RAB27A: variants seen among roughly 807,000 people sequenced by gnomAD.
RAB27A encodes the protein RAB27A, member RAS oncogene family.
A neutral mutation model predicts 20.8 loss-of-function variants in RAB27A; 17 were observed. The ratio of observed to expected loss-of-function variants is 0.82; its 90% CI spans 0.56 to 1.23. The LOEUF (loss-of-function observed/expected upper bound fraction) is 1.23, where lower values mean the gene tolerates loss of function less well. Among genes scored for constraint, RAB27A ranks in the 50% most tolerant of loss-of-function variants. RAB27A has a pLI of 0.00. For missense variants in RAB27A, 277 were observed against 266.7 expected (o/e 1.04, Z -0.27); for synonymous variants, 85 against 92.8 (o/e 0.92, Z 0.48).
Position 55,262,545 on chromosome 15 carries a change from G to GAAA in RAB27A, c.-23+7617_-23+7619dup, listed in dbSNP as rs5812801. Among the ~76,000 whole-genome samples, 96 of 141,554 alleles carry GAAA rather than the reference G, an allele frequency of 6.8e-4. 1 individual carries two copies. Among genetic ancestry groups the GAAA allele is most frequent in the South Asian group, 4.2e-3 (19 of 4,554 alleles). 92.9% of individuals were successfully genotyped at this position (141,554 alleles called of 152,430 possible). A position where few individuals can be genotyped will look rare whatever the true frequency, so the allele number is the denominator to read the frequency against. On this transcript the variant is annotated intron_variant, in intron 2 of 6. Coordinates refer to ENST00000336787, the MANE Select transcript of RAB27A (RefSeq NM_183235.3). Reference sequence around the variant, plus strand: ...CAACAGAGTGAGACTCTGACTCAAAGAAAAAAAAAAAATAGGTAAGAACAA... The same window carrying GAAA: ...CAACAGAGTGAGACTCTGACTCAAAGAAAAAAAAAAAAAAATAGGTAAGAACAA...
intron 6 of RAB27A, among the ~76,000 whole-genome samples, chr15:55,212,131 T>C (rs1710701955): frequency 6.6e-6 from 1 of 152,280 alleles, no homozygotes; most frequent in East Asian, 1.9e-4. Flanking sequence ...CAATACTATG[T>C]GTCTTACATA....
intron 2 of RAB27A, among the ~76,000 whole-genome samples, chr15:55,267,790 A>G (rs1169774644): frequency 6.6e-6 from 1 of 152,152 alleles, no homozygotes; most frequent in Non-Finnish European, 1.5e-5. Flanking sequence ...CCCTATGAGC[A>G]CTCAGGTACC....
chr15:55,274,069 G>T (rs989318119), intron 1 of RAB27A, among the ~76,000 whole-genome samples: 1 of 152,152 alleles, frequency 6.6e-6, no homozygotes, highest in Non-Finnish European at 1.5e-5. Context: ...ACACCGATAT[G>T]TAACTAGAAA....
intron 1 of RAB27A, among the ~76,000 whole-genome samples, chr15:55,280,106 A>G (rs1897975539): frequency 6.6e-6 from 1 of 152,222 alleles, no homozygotes; most frequent in Non-Finnish European, 1.5e-5. Context: ...TATGCTGTGT[A>G]TATTTCCTGT....
chr15:55,291,587 G>A (rs1898312796), upstream of RAB27A, among the ~76,000 whole-genome samples: 1 of 149,730 alleles, frequency 6.7e-6, no homozygotes, highest in South Asian at 2.1e-4. Flanking sequence ...AATAGTCCTG[G>A]GAATCACTGA....
At chr15:55,270,349 G>A (rs150033129) in intron 1 of RAB27A, 65 bp from the exon 2 acceptor site, 12 of 152,250 alleles carry the variant, frequency 7.9e-5, no homozygotes, top group Admixed American at 7.8e-4. Flanking sequence ...TTTCAAAAGA[G>A]TCTTTGGAAA....
At chr15:55,254,109 T>C (rs915775344) in intron 2 of RAB27A, among the ~76,000 whole-genome samples, 3 of 152,238 alleles carry the variant, frequency 2.0e-5, no homozygotes, top group African/African-American at 4.8e-5. Context: ...AATTCTACAA[T>C]CACATTTTAG....
chr15:55,310,930 C>T (rs916720867), intron 2 of RAB27A, among the ~76,000 whole-genome samples: 2 of 152,214 alleles, frequency 1.3e-5, no homozygotes, highest in African/African-American at 4.8e-5. Flanking sequence ...CCCTGTGTTA[C>T]AGTGGACATC....
intron 6 of RAB27A, among the ~76,000 whole-genome samples, chr15:55,216,573 A>G (rs934820597): frequency 6.6e-6 from 1 of 152,116 alleles, no homozygotes; most frequent in Non-Finnish European, 1.5e-5. Context: ...ATCCCAAAAA[A>G]GCAATGTCAC....
intron 5 of RAB27A, among the ~76,000 whole-genome samples, chr15:55,225,912 G>A (rs1276428741): frequency 1.3e-5 from 2 of 152,068 alleles, no homozygotes; most frequent in Non-Finnish European, 2.9e-5. Context: ...ACACAACTAA[G>A]TTTATTACAG....
chr15:55,240,534 G>A (rs1252929181), intron 2 of RAB27A, among the ~76,000 whole-genome samples: 1 of 152,066 alleles, frequency 6.6e-6, no homozygotes, highest in Non-Finnish European at 1.5e-5. Context: ...GCTTCAGTGA[G>A]GGCATAAGTA....
intron 6 of RAB27A, among the ~76,000 whole-genome samples, chr15:55,213,788 C>T (rs933352451): frequency 1.6e-4 from 24 of 152,184 alleles, no homozygotes. Flanking sequence ...TGCAGGAAAA[C>T]AAGCTCAGGG....
intron 1 of RAB27A, chr15:55,317,624 A>G (rs2055059624): frequency 2.5e-6 from 1 of 397,862 alleles, no homozygotes; most frequent in East Asian, 3.6e-5. Context: ...AACTCCATGT[A>G]GTATTAACTT....
intron 1 of RAB27A, among the ~76,000 whole-genome samples, chr15:55,280,540 G>C (rs1473380487): frequency 7.0e-6 from 1 of 142,510 alleles, no homozygotes; most frequent in African/African-American, 2.9e-5. Context: ...TTAAGTTCTA[G>C]GGTACATGTG....
intron 6 of RAB27A, among the ~76,000 whole-genome samples, chr15:55,216,303 G>A (rs2140935410): frequency 6.6e-6 from 1 of 152,262 alleles, no homozygotes; most frequent in African/African-American, 2.4e-5. Context: ...AGAGGCCAAG[G>A]CAGGGTCGGA....
intron 5 of RAB27A, among the ~76,000 whole-genome samples, chr15:55,226,534 TGA>T (rs1491195302): frequency 2.0e-4 from 30 of 150,162 alleles, no homozygotes; most frequent in Admixed American, 1.5e-3. Flanking sequence ...TGTGTGTGTG[TGA>T]GTGTGTATTT....
intron 2 of RAB27A, among the ~76,000 whole-genome samples, chr15:55,254,957 A>G (rs987670423): frequency 1.3e-5 from 2 of 152,256 alleles, no homozygotes; most frequent in Non-Finnish European, 2.9e-5. Flanking sequence ...TCTTTGATTT[A>G]TGAAGAAAAT....
intron 2 of RAB27A, among the ~76,000 whole-genome samples, chr15:55,238,734 G>A (rs1023004795): frequency 7.2e-5 from 10 of 139,522 alleles, no homozygotes; most frequent in African/African-American, 2.0e-4. Flanking sequence ...CAAAGTGGTC[G>A]GCTGAGTCAA....
intron 2 of RAB27A, among the ~76,000 whole-genome samples, chr15:55,255,630 T>A (rs1270471998): frequency 6.6e-6 from 1 of 152,216 alleles, no homozygotes; most frequent in African/African-American, 2.4e-5. Flanking sequence ...TAGCTGTGCT[T>A]TTTTGATAAT....
Sources: allele counts gnomAD v4.1 joint callset (sites outside exome capture counted in the v4.1 genomes callset), GRCh38; gene constraint gnomAD v4.1.1; transcripts MANE v1.5; gene names NCBI Gene and HGNC (gene_info 2026-07-23, HGNC 2026-07-21).